The following PLEKHG4B variants were observed in gnomAD, a reference collection of about 807,000 sequenced individuals.
PLEKHG4B encodes pleckstrin homology domain-containing family G member 4B.
PLEKHG4B carries 111 observed loss-of-function variants against 121.3 expected under a neutral mutation model. That is an observed-to-expected ratio of 0.92 (90% CI 0.78 to 1.07). PLEKHG4B has a LOEUF of 1.07. Ranked by LOEUF, PLEKHG4B falls within the 50% of genes least tolerant of loss-of-function variation. PLEKHG4B has a pLI of 0.00. For synonymous variants in PLEKHG4B, 738 were observed against 725.0 expected (o/e 1.02, Z -0.29); for missense variants, 1,831 against 1,757.8 (o/e 1.04, Z -0.74).
In PLEKHG4B at chr5:163,292, C is replaced by T; in HGVS notation, c.3220C>T (p.His1074Tyr). 2 of 1,613,360 alleles carry T rather than the reference C, an allele frequency of 1.2e-6. No individual in the cohort carries two copies. Among genetic ancestry groups the T allele is most frequent in the Non-Finnish European group, 1.7e-6 (2 of 1,180,022 alleles). ...GACCCTGGCCAGCCGCCCCAGGAAA[C>T]ATCCCCAGAAGAAAATGATAAAGAA... is the stretch of plus-strand genomic sequence containing the variant. ...TQTLASRPRK[H>Y]PQKKMIKKTQ... is the part of the protein sequence containing the mutation. The change falls in exon 13 of 20, where the codon CAT (histidine) becomes TAT (tyrosine). Residue 1074 changes from histidine (H) to tyrosine (Y), a missense_variant. Physicochemically the swap from His to Tyr is moderately conservative, Grantham distance 83. Transcript: ENST00000637938.
Position 159,379 on chromosome 5 carries a change from C to T in PLEKHG4B, c.2488-2404C>T, listed in dbSNP as rs78409793. The stretch of plus-strand genomic sequence containing the variant: ...GGGAATTCTGTGACATCCTTCGTGG[C>T]GCTCGCATTTCCCACAGCTCCACAC... On this transcript the variant is annotated intron_variant, in intron 11 of 19. Coordinates refer to ENST00000637938, the MANE Select transcript of PLEKHG4B (RefSeq NM_052909.5). This position sits in a 1 kb window ranked among gnomAD's most constrained non-coding sequence, Gnocchi z 5.5. 0.038 allele frequency among the ~76,000 whole-genome samples: 5,708 copies of T among 152,066 alleles called. 137 individuals are homozygous for T. Among genetic ancestry groups the T allele is most frequent in the Middle Eastern group, 0.14 (41 of 294 alleles).
chr5:107,923 G>A (rs1042191879), intron 1 of PLEKHG4B, among the ~76,000 whole-genome samples: 3 of 152,216 alleles, frequency 2.0e-5, no homozygotes, highest in African/African-American at 4.8e-5. Context: ...CAGGGATATA[G>A]GAATTAGAGT....
At chr5:94,702 T>A (rs1489661694) in intron 1 of PLEKHG4B, among the ~76,000 whole-genome samples, 2 of 151,660 alleles carry the variant, frequency 1.3e-5, no homozygotes, top group African/African-American at 4.9e-5. Context: ...CCCTTTACCT[T>A]ATGGGGGGCT....
Position 163,071 on chromosome 5 carries a change from G to C in PLEKHG4B, c.2999G>C (p.Gly1000Ala). 1 of 1,561,684 alleles carries C rather than the reference G, an allele frequency of 6.4e-7. No individual in the cohort carries two copies. The highest frequency in any genetic ancestry group is 1.7e-4 in the Middle Eastern group (1 of 5,996). The change falls in exon 13 of 20, where the codon GGT becomes GCT. Residue 1000 changes from glycine (G) to alanine (A), a missense_variant. Physicochemically the swap from Gly to Ala is moderately conservative, Grantham distance 60 (BLOSUM62 0). Coordinates refer to ENST00000637938, the MANE Select transcript of PLEKHG4B (RefSeq NM_052909.5). ...TCATTCCCCAGCACGGACAGTGGGG[G>C]TGGTGCCTGGGAACCTGCGCAACCA... ...PPSFPSTDSGGGAWEPAQPLS... is the reference protein window; with the variant it reads ...PPSFPSTDSGAGAWEPAQPLS...
intron 1 of PLEKHG4B, among the ~76,000 whole-genome samples, chr5:93,006 C>T (rs1379050211): frequency 6.6e-6 from 1 of 152,090 alleles, no homozygotes; most frequent in Non-Finnish European, 1.5e-5. Flanking sequence ...TTGGGTTTGC[C>T]TTTCCCTGTT....
chr5:160,363 G>A (rs114327837), intron 11 of PLEKHG4B, among the ~76,000 whole-genome samples: 2,286 of 152,290 alleles, frequency 0.015, 62 homozygotes, highest in African/African-American at 0.051. Flanking sequence ...TCCTAGGCTC[G>A]GATGGCTGCG....
chr5:97,030 G>A (rs1179595573), intron 1 of PLEKHG4B, among the ~76,000 whole-genome samples: 1 of 152,228 alleles, frequency 6.6e-6, no homozygotes, highest in Admixed American at 6.5e-5. Flanking sequence ...TCTAGCTCCA[G>A]ACCATTTTCC....
At chr5:149,855 TG>T (rs1200987250) in intron 6 of PLEKHG4B, among the ~76,000 whole-genome samples, 1 of 152,176 alleles carries the variant, frequency 6.6e-6, no homozygotes, top group Non-Finnish European at 1.5e-5. Flanking sequence ...GGGTGGCTAT[TG>T]TAAAAAAACA....
At chr5:163,850 A>G (rs1021467945) in intron 13 of PLEKHG4B, among the ~76,000 whole-genome samples, 2 of 152,192 alleles carry the variant, frequency 1.3e-5, no homozygotes, top group Non-Finnish European at 2.9e-5. Context: ...CTTACAGAAA[A>G]TTACAAGCAG....
At chr5:141,710 C>CT (rs1735210144) in intron 3 of PLEKHG4B, among the ~76,000 whole-genome samples, 7 of 126,512 alleles carry the variant, frequency 5.5e-5, no homozygotes, top group African/African-American at 1.1e-4. Flanking sequence ...TTAAATATTT[C>CT]ATTTTTTTTT....
chr5:171,277 C>A lies in PLEKHG4B; in HGVS notation c.3883C>A (p.Arg1295Ser). Residue 1295 changes from arginine (R) to serine (S), a missense_variant, in exon 16 of 20, where the codon CGT becomes AGT. Coordinates refer to ENST00000637938, the MANE Select transcript of PLEKHG4B (RefSeq NM_052909.5). ...LASYLLRPVQ[R>S]VAKYALLLQD... ...CTCCTACCTGCTGCGGCCCGTGCAG[C>A]GTGTGGCCAAGTACGCGCTGCTACT... 1 of 1,611,708 alleles carries A rather than the reference C, an allele frequency of 6.2e-7. No homozygotes were observed. The highest frequency in any genetic ancestry group is 1.1e-5 in the South Asian group (1 of 90,882).
chr5:173,683 C>T (rs1393127986), intron 17 of PLEKHG4B, among the ~76,000 whole-genome samples: 2 of 151,324 alleles, frequency 1.3e-5, no homozygotes, highest in Non-Finnish European at 3.0e-5. Context: ...AGCAGTCACT[C>T]ACGAGCAGCC....
intron 6 of PLEKHG4B, among the ~76,000 whole-genome samples, chr5:149,498 GC>G (rs1412597720): frequency 2.6e-5 from 4 of 152,150 alleles, no homozygotes; most frequent in Non-Finnish European, 2.9e-5. Flanking sequence ...CCATGGTCAT[GC>G]CACTGCACTC....
intron 13 of PLEKHG4B, among the ~76,000 whole-genome samples, chr5:166,500 ATCT>A (rs1437901132): frequency 4.8e-5 from 3 of 62,274 alleles, no homozygotes; most frequent in African/African-American, 1.7e-4. Context: ...GCTCACAGTA[ATCT>A]TCTGACGGGG....
In PLEKHG4B at chr5:143,186, C is replaced by A. The variant is rs746379606; in HGVS notation, c.1617C>A (p.Pro539=). The A allele has an allele frequency of 1.2e-6, 2 of 1,611,820 alleles. No individual in the cohort carries two copies. Among genetic ancestry groups the A allele is most frequent in the Non-Finnish European group, 1.7e-6 (2 of 1,180,008 alleles). The change falls in exon 4 of 20, where the codon CCC becomes CCA. Residue 539 remains proline, a synonymous_variant. Coordinates refer to ENST00000637938, the MANE Select transcript of PLEKHG4B (RefSeq NM_052909.5). ...GGCCACCCGGCACAGGAGACTTCCC[C>A]AGCCAGGTGCCCAAGCAGGTGCTGG... ...EGWPPGTGDF[P]SQVPKQVLDV...
intron 6 of PLEKHG4B, among the ~76,000 whole-genome samples, chr5:146,913 T>G (rs1039150590): frequency 2.6e-5 from 4 of 151,992 alleles, no homozygotes; most frequent in Non-Finnish European, 5.9e-5. Flanking sequence ...TACGTGGCTC[T>G]TCTTAGAAAA....
Position 172,974 on chromosome 5 carries a change from G to T in PLEKHG4B, c.4128G>T (p.Arg1376Ser). 3 of 1,614,174 alleles carry T rather than the reference G, an allele frequency of 1.9e-6. No individual in the cohort carries two copies. The highest frequency in any genetic ancestry group is 2.5e-6 in the Non-Finnish European group (3 of 1,180,042). ...GCTGCGGGAGGAAGAAGTATCTGAG[G>T]CATGTGTTCCTCTTTGAAGACCTCA... ...IVCCGRKKYL[R>S]HVFLFEDLIL... Residue 1376 changes from arginine to serine, a missense_variant, in exon 17 of 20, where the codon AGG becomes AGT. Transcript: ENST00000637938.
chr5:162,305 G>A (rs1323034923), intron 12 of PLEKHG4B, among the ~76,000 whole-genome samples: 1 of 151,888 alleles, frequency 6.6e-6, no homozygotes, highest in African/African-American at 2.4e-5. Context: ...GAGCTCCCCC[G>A]CGCCGGGGAC....
chr5:143,354 C>T (rs1360941113), intron 4 of PLEKHG4B, 26 bp from the exon 5 acceptor site: 1 of 1,608,818 alleles, frequency 6.2e-7, no homozygotes, highest in Non-Finnish European at 8.5e-7. Context: ...AAGCCCTTGG[C>T]AGCTGCCCTG....
Sources: gnomAD v4.1 joint callset for allele counts (sites outside exome capture counted in the v4.1 genomes callset) on GRCh38, gnomAD v4.1.1 for gene constraint, Gnocchi (gnomAD v3.1) non-coding constraint, MANE v1.5 for transcripts, NCBI Gene and HGNC (gene_info 2026-07-23, HGNC 2026-07-21) for gene names.